TLE6: variants seen among roughly 807,000 people sequenced by gnomAD.
TLE6 encodes the protein TLE family member 6, subcortical maternal complex member.
A neutral mutation model predicts 77.1 loss-of-function variants in TLE6; 72 were observed. That is an observed-to-expected ratio of 0.93 (90% CI 0.77 to 1.14). The LOEUF (loss-of-function observed/expected upper bound fraction) is 1.14. Ranked by LOEUF, TLE6 falls within the 50% of genes most tolerant of loss-of-function variation. The pLI is 0.00. For missense variants in TLE6, 843 were observed against 747.6 expected (o/e 1.13, Z -1.49); for synonymous variants, 366 against 287.3 (o/e 1.27, Z -2.77).
Position 2,991,864 on chromosome 19 carries a change from T to G in TLE6, c.1266T>G (p.Asp422Glu), listed in dbSNP as rs750666304. Residue 422 changes from aspartate (D) to glutamate (E), a missense_variant, in exon 14 of 17, where the codon GAT (aspartate) becomes GAG (glutamate). Asp to Glu is a conservative substitution (Grantham distance 45, BLOSUM62 2). Coordinates refer to ENST00000246112, the MANE Select transcript of TLE6 (RefSeq NM_001143986.2). ...CCAGGGACCTCAAGGGTTATCCTGA[T>G]GGAGTCAAGAGTATCGTGGTCAAGG... ...SVVRDLKGYP[D>E]GVKSIVVKGY... 20 of 1,613,810 alleles carry G rather than the reference T, an allele frequency of 1.2e-5. No homozygotes were observed. The highest frequency in any genetic ancestry group is 8.5e-7 in the Non-Finnish European group (1 of 1,179,956).
chr19:2,988,952 A>C, intron 11 of TLE6, 109 bp from the exon 12 acceptor site: 3 of 1,502,444 alleles, frequency 2.0e-6, no homozygotes, highest in Non-Finnish European at 2.7e-6. Flanking sequence ...GGCCTGAGAG[A>C]GGGACCCCAA....
chr19:2,984,049 C>G (rs1433111490), intron 5 of TLE6: 2 of 152,288 alleles, frequency 1.3e-5, no homozygotes, highest in African/African-American at 4.8e-5. Context: ...CAGTCCGCTT[C>G]CCCCACCCGC....
chr19:2,991,846 C>CCT lies in TLE6; in HGVS notation c.1250_1251dup (p.Lys418SerfsTer36). ...TCCCGATGTCCCTTCTGGCCAGGGACCTCAAGGGTTATCCTGATGGAGTCA... is the reference window on the plus strand; with the variant it reads ...TCCCGATGTCCCTTCTGGCCAGGGACCTCTCAAGGGTTATCCTGATGGAGTCA... On this transcript the variant is annotated frameshift_variant, in exon 14 of 17. Transcript: ENST00000246112. LOFTEE classifies it high-confidence loss of function. 6.2e-7 allele frequency: 1 copy of CCT among 1,613,726 alleles called. No individual in the cohort carries two copies. Among genetic ancestry groups the CCT allele is most frequent in the Non-Finnish European group, 8.5e-7 (1 of 1,179,906 alleles).
At chr19:2,984,841 T>A (rs2088875162) in intron 5 of TLE6, among the ~76,000 whole-genome samples, 1 of 152,212 alleles carries the variant, frequency 6.6e-6, no homozygotes, top group Admixed American at 6.5e-5. Flanking sequence ...ATTCCAATTC[T>A]ACTTGTACTG....
chr19:2,981,855 C>G (rs1012952844), intron 4 of TLE6, among the ~76,000 whole-genome samples: 1 of 151,918 alleles, frequency 6.6e-6, no homozygotes, highest in African/African-American at 2.4e-5. Context: ...GCCTGTACTC[C>G]CAGCTACTCG....
chr19:2,978,006 C>G (rs1459362469), intron 1 of TLE6, among the ~76,000 whole-genome samples, 192 bp from the exon 2 acceptor site: 1 of 152,090 alleles, frequency 6.6e-6, no homozygotes, highest in East Asian at 1.9e-4. Flanking sequence ...GGGTCCCCGC[C>G]CCCATGAATC....
rs2088727563 is a variant in TLE6, at chr19:2,978,568, A to C, written c.51+284A>C. Among the ~76,000 whole-genome samples the C allele has an allele frequency of 2.0e-5, 3 of 152,110 alleles. No individual in the cohort carries two copies. In the South Asian group the frequency reaches 6.2e-4, roughly 32 times the overall value. On this transcript the variant is annotated intron_variant, in intron 2 of 16. Coordinates refer to ENST00000246112, the MANE Select transcript of TLE6 (RefSeq NM_001143986.2). Reference sequence around the variant, plus strand: ...AGTTTGAAACCAGCCTGGACAACGTAGTGAGACCCTGTCTCTGTAAAAAAT... The same window carrying C: ...AGTTTGAAACCAGCCTGGACAACGTCGTGAGACCCTGTCTCTGTAAAAAAT...
chr19:2,988,881 A>C (rs1435484365), intron 11 of TLE6, 180 bp from the exon 12 acceptor site: 14 of 905,408 alleles, frequency 1.5e-5, no homozygotes, highest in Non-Finnish European at 2.3e-5. Flanking sequence ...GGCTGTGGCA[A>C]AGGGACAATA....
intron 3 of TLE6, among the ~76,000 whole-genome samples, 187 bp from the exon 4 acceptor site, chr19:2,981,347 CAAAA>C (rs34622024): frequency 2.6e-5 from 3 of 115,250 alleles, no homozygotes; most frequent in African/African-American, 3.1e-5. Context: ...GACTCTGTCT[CAAAA>C]AAAAAAAAAA....
At chr19:2,986,720 A>AC in intron 5 of TLE6, 109 bp from the exon 6 acceptor site, 1 of 1,148,980 alleles carries the variant, frequency 8.7e-7, no homozygotes, top group Admixed American at 2.3e-5. Context: ...TCTCAAAAAA[A>AC]CAAGTAGATT....
intron 2 of TLE6, among the ~76,000 whole-genome samples, chr19:2,978,625 G>A (rs116715470): frequency 0.011 from 1,602 of 152,186 alleles, 27 homozygotes; most frequent in African/African-American, 0.037. Flanking sequence ...GCCTAGTGAC[G>A]TGGGCCTGTA....
intron 15 of TLE6, 141 bp from the exon 16 acceptor site, chr19:2,993,878 C>T: frequency 1.3e-6 from 1 of 784,364 alleles, no homozygotes; most frequent in South Asian, 1.6e-5. Context: ...GATCATACCA[C>T]TGACTGTAGT....
intron 5 of TLE6, chr19:2,984,304 C>G (rs1042623191): frequency 1.3e-5 from 2 of 152,014 alleles, no homozygotes; most frequent in African/African-American, 4.8e-5. Context: ...GCTGGGAAAT[C>G]CATCACTGGC....
Position 2,988,085 on chromosome 19 carries a change from C to T in TLE6, c.703-6C>T, listed in dbSNP as rs759179631. On this transcript the variant is annotated splice_region_variant and splice_polypyrimidine_tract_variant and intron_variant, in intron 10 of 16. Transcript: ENST00000246112. ...TGGGGGCAGCTGTGATCTCCCCCGC[C>T]TGCAGGAGCCTCCTGGAAGAGCCTC... The T allele has an allele frequency of 3.4e-5, 53 of 1,552,522 alleles. No individual in the cohort carries two copies. The highest frequency in any genetic ancestry group is 4.4e-6 in the Non-Finnish European group (5 of 1,147,508).
At chr19:2,980,253 C>T in intron 3 of TLE6, 71 bp downstream of exon 3, 1 of 1,337,112 alleles carries the variant, frequency 7.5e-7, no homozygotes, top group East Asian at 2.6e-5. Context: ...TCCCGGGGGT[C>T]CTAGTGAGTG....
In TLE6 at chr19:2,980,126, G is replaced by A; in HGVS notation, c.78G>A (p.Glu26=). 1 of 1,550,538 alleles carries A rather than the reference G, an allele frequency of 6.4e-7. No individual in the cohort carries two copies. The highest frequency in any genetic ancestry group is 8.7e-7 in the Non-Finnish European group (1 of 1,146,270). The part of the protein sequence containing the change: ...TSPCPGISNS[E]SSPTLNYQGI... ...CTTGTCCTGGGATCTCGAACTCTGA[G>A]AGCTCTCCGACGCTGAATTATCAGG... The change falls in exon 3 of 17, where the codon GAG becomes GAA. Residue 26 remains glutamate (E), a synonymous_variant. Coordinates refer to ENST00000246112, the MANE Select transcript of TLE6 (RefSeq NM_001143986.2).
chr19:2,981,497 T>C (rs1230084116), intron 3 of TLE6, 41 bp from the exon 4 acceptor site: 1 of 1,549,864 alleles, frequency 6.5e-7, no homozygotes, highest in Admixed American at 2.0e-5. Context: ...GAGGGAGTCC[T>C]GAAGCCACAG....
At position 2,995,029 on chromosome 19, in the gene TLE6, T is replaced by TCCGGCTCCTCTTTTCATCCCCCC; in HGVS notation, c.*28_*50dup. On this transcript the variant is annotated 3_prime_UTR_variant, in exon 17 of 17. Coordinates refer to ENST00000246112, the MANE Select transcript of TLE6 (RefSeq NM_001143986.2). ...AGGGGCCTCGCTGCTGTCATCCCAC[T>TCCGGCTCCTCTTTTCATCCCCCC]CCGGCTCCTCTTTTCATCCCCCCCC... 7.1e-7 allele frequency: 1 copy of TCCGGCTCCTCTTTTCATCCCCCC among 1,399,786 alleles called. No individual in the cohort carries two copies. The allele number at this position is 1,399,786 out of a possible 1,614,324, so 86.7% of individuals were successfully genotyped here.
chr19:2,992,735 C>T (rs1484446157), intron 14 of TLE6, among the ~76,000 whole-genome samples: 3 of 134,804 alleles, frequency 2.2e-5, no homozygotes, highest in African/African-American at 8.5e-5. Context: ...GTGATCATAC[C>T]AGTGACTGTA....
Sources: allele counts gnomAD v4.1 joint callset (sites outside exome capture counted in the v4.1 genomes callset), GRCh38; gene constraint gnomAD v4.1.1; transcripts MANE v1.5; gene names NCBI Gene and HGNC (gene_info 2026-07-23, HGNC 2026-07-21).